ATP11A: variants seen among roughly 807,000 people sequenced by gnomAD.
ATP11A encodes phospholipid-transporting ATPase IH.
ATP11A carries 81 observed loss-of-function variants against 154.4 expected under a neutral mutation model. The observed-to-expected ratio is 0.52, with a 90% confidence interval of 0.44 to 0.63. The LOEUF (loss-of-function observed/expected upper bound fraction) is 0.63. Among genes scored for constraint, ATP11A ranks in the 30% least tolerant of loss-of-function variants. ATP11A has a pLI of 0.00. For missense variants in ATP11A, 1,316 were observed against 1,474.3 expected, an observed-to-expected ratio of 0.89 and a Z score of 1.76; for synonymous variants, 623 against 585.9, an observed-to-expected ratio of 1.06 and a Z score of -0.91.
In ATP11A at chr13:112,831,389, C is replaced by T. The variant is rs1265282385; in HGVS notation, c.1236C>T (p.Phe412=). The change falls in exon 13 of 30, where the codon TTC becomes TTT. Residue 412 remains phenylalanine (F), a synonymous_variant. Transcript: ENST00000375645. ...NEELGQVEYI[F]TDKTGTLTEN... is the part of the protein sequence containing the mutation. ...CCTGCCCGCAGGTGGAGTACATCTT[C>T]ACAGACAAGACCGGCACCCTCACGG... The T allele has an allele frequency of 2.7e-5, 44 of 1,614,130 alleles. No homozygotes were observed. Among genetic ancestry groups the T allele is most frequent in the Non-Finnish European group, 3.7e-5 (44 of 1,179,952 alleles).
At chr13:112,847,225 T>TA (rs1242730316) in intron 17 of ATP11A, among the ~76,000 whole-genome samples, 5 of 152,168 alleles carry the variant, frequency 3.3e-5, no homozygotes, top group African/African-American at 1.2e-4. Context: ...TAGGAGAAGT[T>TA]AAAATAAGTA....
intron 15 of ATP11A, among the ~76,000 whole-genome samples, chr13:112,835,795 C>T (rs1339628211): frequency 6.6e-6 from 1 of 152,230 alleles, no homozygotes; most frequent in Non-Finnish European, 1.5e-5. Context: ...CTTAGGGTAA[C>T]GCCAGTTCAT....
chr13:112,765,049 C>T lies in ATP11A; in HGVS notation c.40-20086C>T, dbSNP rs2077041142. Among the ~76,000 whole-genome samples, 2 of 152,200 alleles carry T rather than the reference C, an allele frequency of 1.3e-5. 1 individual carries two copies. Among genetic ancestry groups the T allele is most frequent in the South Asian group, 4.1e-4 (2 of 4,832 alleles). ...TTCTTGCAAGTCCTTTGAACGGCAC[C>T]TGCTCCTTAGCTGCTGCCTGGCAAC... On this transcript the variant is annotated intron_variant, in intron 1 of 29. Coordinates refer to ENST00000375645, the MANE Select transcript of ATP11A (RefSeq NM_015205.3).
chr13:112,797,019 G>A (rs1213843221), intron 2 of ATP11A, among the ~76,000 whole-genome samples: 1 of 152,180 alleles, frequency 6.6e-6, no homozygotes, highest in Non-Finnish European at 1.5e-5. Context: ...CTGGCGCTTT[G>A]GGAGGCTAAG....
In ATP11A at chr13:112,880,799, C is replaced by T; in HGVS notation, c.*10-1077C>T. On this transcript the variant is annotated intron_variant, in intron 29 of 29. Transcript: ENST00000375645. ...TTTACACACACATGCATTTGCTGTC[C>T]CAGGTAAGTAACACGCCTGAGGGCA... 1.7e-5 allele frequency: 19 copies of T among 1,149,160 alleles called. 1 individual carries two copies. The South Asian group carries it at 3.3e-4, about 20-fold the overall frequency. The allele number at this position is 1,149,160 out of a possible 1,614,324, so 71.2% of individuals were successfully genotyped here. A position where few individuals can be genotyped will look rare whatever the true frequency, so the allele number is the denominator to read the frequency against.
chr13:112,733,228 GGGGGCACACGGCGC>G (rs1566399548), intron 1 of ATP11A, among the ~76,000 whole-genome samples: 1 of 147,430 alleles, frequency 6.8e-6, no homozygotes, highest in Non-Finnish European at 1.5e-5. Context: ...AATATGGCTT[GGGGGCACACGGCGC>G]GGGGCACAGC....
intron 1 of ATP11A, among the ~76,000 whole-genome samples, chr13:112,726,488 G>A (rs548853092): frequency 2.0e-5 from 3 of 152,290 alleles, no homozygotes; most frequent in East Asian, 3.9e-4. Context: ...TTGTACTTCC[G>A]AGAGCTTTTC....
At chr13:112,691,202 C>T (rs1005832415) in intron 1 of ATP11A, among the ~76,000 whole-genome samples, 3 of 152,030 alleles carry the variant, frequency 2.0e-5, no homozygotes, top group South Asian at 2.1e-4. Flanking sequence ...CGGTGGCTCA[C>T]GCCTGTAATC....
rs2077590423 is a variant in ATP11A, at chr13:112,785,069, A to C, written c.40-66A>C. 2 of 1,382,984 alleles carry C rather than the reference A, an allele frequency of 1.4e-6. No individual in the cohort carries two copies. Among genetic ancestry groups the C allele is most frequent in the Non-Finnish European group, 1.9e-6 (2 of 1,059,378 alleles). 85.7% of individuals were successfully genotyped at this position (1,382,984 alleles called of 1,614,324 possible). On this transcript the variant is annotated intron_variant, in intron 1 of 29. Transcript: ENST00000375645. This position sits in a 1 kb window ranked among gnomAD's most constrained non-coding sequence, Gnocchi z 4.8. ...TCCGACGAACGTGCCTCAAGGCAAC[A>C]CTCTGGGCAAGAGCTTTTGATGCAG...
chr13:112,728,360 G>C (rs552670386), intron 1 of ATP11A, among the ~76,000 whole-genome samples: 16 of 144,550 alleles, frequency 1.1e-4, no homozygotes, highest in African/African-American at 3.6e-4. Context: ...GTACCACGTT[G>C]TCAGTGTCCA....
chr13:112,848,447 T>C (rs2079667721), intron 17 of ATP11A, among the ~76,000 whole-genome samples: 1 of 152,196 alleles, frequency 6.6e-6, no homozygotes. Context: ...ATTCAGTTAG[T>C]GGGGAGCACA....
Position 112,785,929 on chromosome 13 carries a change from C to G in ATP11A, c.162+672C>G, listed in dbSNP as rs572989064. ...TGCTTTCCAGGTAATGCGGAACGCA[C>G]GTGCCTGCGTTCAGACTCCATTTAT... On this transcript the variant is annotated intron_variant, in intron 2 of 29. Coordinates refer to ENST00000375645, the MANE Select transcript of ATP11A (RefSeq NM_015205.3). This position sits in a 1 kb window ranked among gnomAD's most constrained non-coding sequence, Gnocchi z 4.8. 6.6e-6 allele frequency among the ~76,000 whole-genome samples: 1 copy of G among 151,914 alleles called. No individual in the cohort carries two copies. Among genetic ancestry groups the G allele is most frequent in the Admixed American group, 6.6e-5 (1 of 15,260 alleles).
At chr13:112,818,260 G>T (rs1255772328) in intron 6 of ATP11A, among the ~76,000 whole-genome samples, 1 of 149,276 alleles carries the variant, frequency 6.7e-6, no homozygotes, top group African/African-American at 2.5e-5. Flanking sequence ...GCTTGGTGAC[G>T]GGGCGATGAC....
At chr13:112,827,102 C>T (rs766866399) in intron 12 of ATP11A, among the ~76,000 whole-genome samples, 2 of 152,252 alleles carry the variant, frequency 1.3e-5, no homozygotes, top group Non-Finnish European at 1.5e-5. Context: ...TTGCTGACTC[C>T]TGGAAACTCA....
intron 1 of ATP11A, among the ~76,000 whole-genome samples, chr13:112,724,104 C>T (rs1347330955): frequency 5.2e-5 from 7 of 134,354 alleles, no homozygotes; most frequent in African/African-American, 8.3e-5. Flanking sequence ...TCGTCCCCAT[C>T]GCCCCCTTCG....
At chr13:112,861,779 GAATA>G (rs377445722) in intron 24 of ATP11A, among the ~76,000 whole-genome samples, 114 of 152,250 alleles carry the variant, frequency 7.5e-4, no homozygotes, top group African/African-American at 2.6e-3. Context: ...AAGAAAATGG[GAATA>G]AATCTAAGAA....
intron 28 of ATP11A, 80 bp downstream of exon 28, chr13:112,876,021 G>C (rs897876716): frequency 2.0e-6 from 3 of 1,488,090 alleles, no homozygotes; most frequent in Non-Finnish European, 2.7e-6. Flanking sequence ...TTGAAAGACA[G>C]TGTGAAAGGT....
chr13:112,774,465 T>A (rs79450148), intron 1 of ATP11A, among the ~76,000 whole-genome samples: 4,127 of 152,102 alleles, frequency 0.027, 191 homozygotes, highest in African/African-American at 0.093. Context: ...GGAACACAGA[T>A]CCCATTCCAG....
chr13:112,770,253 C>G (rs2077194538), intron 1 of ATP11A, among the ~76,000 whole-genome samples: 1 of 152,202 alleles, frequency 6.6e-6, no homozygotes, highest in Non-Finnish European at 1.5e-5. Flanking sequence ...GCTGGCACCC[C>G]ACATTTCCCA....
Sources: allele counts gnomAD v4.1 joint callset (sites outside exome capture counted in the v4.1 genomes callset), GRCh38; gene constraint gnomAD v4.1.1; non-coding constraint Gnocchi (gnomAD v3.1); transcripts MANE v1.5; gene names NCBI Gene and HGNC (gene_info 2026-07-23, HGNC 2026-07-21).